Variants in APBA2 observed in about 807,000 individuals in gnomAD.
APBA2 encodes the protein amyloid-beta A4 precursor protein-binding family A member 2.
In APBA2, 30 loss-of-function variants were observed where a neutral mutation model predicts 75.0. The ratio of observed to expected loss-of-function variants is 0.40; its 90% CI spans 0.30 to 0.54. The LOEUF (loss-of-function observed/expected upper bound fraction) is 0.54. Among genes scored for constraint, APBA2 ranks in the 20% least tolerant of loss-of-function variants. The probability of loss-of-function intolerance (pLI) is 0.49; values close to 1 mark genes in which losing one functional copy is unlikely to be tolerated. For missense variants in APBA2, 801 were observed against 1,016.1 expected (o/e 0.79, Z 2.88); for synonymous variants, 444 against 409.6 (o/e 1.08, Z -1.01).
At chr15:29,004,822 G>A (rs1385512189) in intron 3 of APBA2, among the ~76,000 whole-genome samples, 2 of 152,144 alleles carry the variant, frequency 1.3e-5, no homozygotes, top group East Asian at 3.9e-4. Context: ...TGGGATTATA[G>A]GCACATGCCA....
chr15:28,955,454 G>A (rs557061474), intron 2 of APBA2, among the ~76,000 whole-genome samples: 3 of 152,222 alleles, frequency 2.0e-5, no homozygotes, highest in African/African-American at 7.2e-5. Context: ...CCCATCCTGT[G>A]GCTTTTTTAG....
At chr15:29,108,147 C>T (rs907586217) in intron 12 of APBA2, 123 bp from the exon 13 acceptor site, 65 of 1,414,404 alleles carry the variant, frequency 4.6e-5, no homozygotes, top group Non-Finnish European at 5.8e-5. Flanking sequence ...GAGGGGACTG[C>T]CTGCCTCTCC....
chr15:29,063,309 G>C lies in APBA2; in HGVS notation c.951+8474G>C, dbSNP rs1331744815. Among the ~76,000 whole-genome samples the C allele has an allele frequency of 4.3e-5, 6 of 139,246 alleles. No individual in the cohort carries two copies. In the East Asian group the frequency reaches 1.4e-3, roughly 33 times the overall value. 91.4% of individuals were successfully genotyped at this position (139,246 alleles called of 152,430 possible). ...GAGTTGATCTGGTCAGTGTCTGTAT[G>C]GGTGATGCGGGGAGTTGATCTGGTC... On this transcript the variant is annotated intron_variant, in intron 4 of 14. Coordinates refer to ENST00000683413, the MANE Select transcript of APBA2 (RefSeq NM_001353788.2).
intron 12 of APBA2, among the ~76,000 whole-genome samples, chr15:29,107,898 A>T (rs1440661089): frequency 3.3e-5 from 5 of 152,118 alleles, no homozygotes; most frequent in Non-Finnish European, 5.9e-5. Context: ...AGCTGTCCCG[A>T]ATTCGGCATG....
chr15:28,969,151 T>TCTTGCTTGCTTG, intron 2 of APBA2, among the ~76,000 whole-genome samples: 1 of 76,822 alleles, frequency 1.3e-5, no homozygotes, highest in African/African-American at 4.4e-4. Context: ...TTTCTTTCTT[T>TCTTGCTTGCTTG]CTTTCTTTCT....
chr15:29,074,846 C>T, intron 4 of APBA2, 75 bp from the exon 5 acceptor site: 1 of 1,357,528 alleles, frequency 7.4e-7, no homozygotes, highest in South Asian at 1.2e-5. Flanking sequence ...AATTGTATCA[C>T]ATTGCATATT....
chr15:29,060,167 C>T (rs1296322372), intron 4 of APBA2, among the ~76,000 whole-genome samples: 1 of 152,142 alleles, frequency 6.6e-6, no homozygotes, highest in African/African-American at 2.4e-5. Flanking sequence ...GCAGATTTAA[C>T]CTTTCTTATT....
At chr15:29,009,703 T>C (rs1424747085) in intron 3 of APBA2, among the ~76,000 whole-genome samples, 1 of 152,236 alleles carries the variant, frequency 6.6e-6, no homozygotes, top group Admixed American at 6.5e-5. Flanking sequence ...TGTCAGCTTA[T>C]TTTATGCAAC....
chr15:28,896,306 G>A (rs568704156), intron 1 of APBA2, among the ~76,000 whole-genome samples: 5 of 152,224 alleles, frequency 3.3e-5, no homozygotes, highest in Admixed American at 6.5e-5. Flanking sequence ...TTGAGACAGA[G>A]TCTCATTCTG....
chr15:29,030,640 G>A (rs1461226466), intron 3 of APBA2, among the ~76,000 whole-genome samples: 1 of 151,714 alleles, frequency 6.6e-6, no homozygotes, highest in South Asian at 2.1e-4. Flanking sequence ...GTAGTCAGTG[G>A]GTGTAGCCAG....
chr15:29,027,375 A>G (rs1320601565), intron 3 of APBA2, among the ~76,000 whole-genome samples: 1 of 152,146 alleles, frequency 6.6e-6, no homozygotes. Context: ...ATTTTCTTAG[A>G]AAATCTTACA....
chr15:29,112,598 T>G (rs1477798808), intron 13 of APBA2, among the ~76,000 whole-genome samples: 2 of 152,206 alleles, frequency 1.3e-5, no homozygotes, highest in Admixed American at 6.5e-5. Flanking sequence ...CCTTGCGGTA[T>G]GGAATCTGCC....
intron 2 of APBA2, among the ~76,000 whole-genome samples, chr15:28,956,944 T>C (rs1042961188): frequency 2.6e-5 from 4 of 152,234 alleles, no homozygotes; most frequent in African/African-American, 7.2e-5. Context: ...CTTGTATGAA[T>C]AGACCACATT....
Position 28,923,858 on chromosome 15 carries a change from G to T in APBA2, c.-95+2109G>T, listed in dbSNP as rs148963244. On this transcript the variant is annotated intron_variant, in intron 2 of 14. Coordinates refer to ENST00000683413, the MANE Select transcript of APBA2 (RefSeq NM_001353788.2). ...GGGCCGTGAGGCTGGGCATGAAAAGGCTTCTCTGCCTCCACCGCCCCCCCG... is the reference window on the plus strand; with the variant it reads ...GGGCCGTGAGGCTGGGCATGAAAAGTCTTCTCTGCCTCCACCGCCCCCCCG... Among the ~76,000 whole-genome samples, 17 of 152,292 alleles carry T rather than the reference G, an allele frequency of 1.1e-4. No homozygotes were observed. The East Asian group carries it at 3.3e-3, about 29-fold the overall frequency.
chr15:29,019,706 T>G (rs1295719809), intron 3 of APBA2, among the ~76,000 whole-genome samples: 2 of 152,244 alleles, frequency 1.3e-5, no homozygotes, highest in Non-Finnish European at 2.9e-5. Flanking sequence ...CTGCAGAGGC[T>G]TCCAGGGACC....
At chr15:28,917,150 G>C (rs1044676347) in intron 1 of APBA2, among the ~76,000 whole-genome samples, 2 of 152,144 alleles carry the variant, frequency 1.3e-5, no homozygotes, top group Admixed American at 6.5e-5. Context: ...GGTTACTAAC[G>C]TTTCCTTTCC....
rs147836237 is a variant in APBA2, at chr15:28,959,977, C to T, written c.-94-35776C>T. 3.3e-5 allele frequency among the ~76,000 whole-genome samples: 5 copies of T among 152,182 alleles called. No homozygotes were observed. In the South Asian group the frequency reaches 1.0e-3, roughly 32 times the overall value. ...TGGGCAACATGGTGAAACGCCATCT[C>T]TACTAAAAATACAAACAATTAGCTG... On this transcript the variant is annotated intron_variant, in intron 2 of 14. Coordinates refer to ENST00000683413, the MANE Select transcript of APBA2 (RefSeq NM_001353788.2).
At chr15:29,095,435 G>GA (rs67934513) in intron 8 of APBA2, among the ~76,000 whole-genome samples, 21 of 150,772 alleles carry the variant, frequency 1.4e-4, no homozygotes, top group African/African-American at 5.0e-4. Context: ...CATCTCAAAA[G>GA]AAAAAAAAAA....
At chr15:28,909,217 C>T (rs2033301865) in intron 1 of APBA2, among the ~76,000 whole-genome samples, 1 of 152,048 alleles carries the variant, frequency 6.6e-6, no homozygotes, top group Admixed American at 6.6e-5. Context: ...GTCTCAATCT[C>T]CTGACCTCGT....
Sources: gnomAD v4.1 joint callset for allele counts (sites outside exome capture counted in the v4.1 genomes callset) on GRCh38, gnomAD v4.1.1 for gene constraint, MANE v1.5 for transcripts, NCBI Gene and HGNC (gene_info 2026-07-23, HGNC 2026-07-21) for gene names.